C17orf67: variants seen among roughly 807,000 people sequenced by gnomAD.
The protein encoded by C17orf67 is uncharacterized protein C17orf67.
A neutral mutation model predicts 11.2 loss-of-function variants in C17orf67; 12 were observed. The observed-to-expected ratio is 1.07, with a 90% CI of 0.68 to 1.73. C17orf67 has a LOEUF of 1.73. Ranked by LOEUF, C17orf67 falls within the 40% of genes most tolerant of loss-of-function variation. The probability of loss-of-function intolerance (pLI) is 0.00; values close to 1 mark genes in which losing one functional copy is unlikely to be tolerated. For synonymous variants in C17orf67, 59 were observed against 46.9 expected, an observed-to-expected ratio of 1.26 and a Z score of -1.05; for missense variants, 115 against 113.5, an observed-to-expected ratio of 1.01 and a Z score of -0.06.
chr17:56,831,352 G>A (rs1416183118), intron 2 of C17orf67, among the ~76,000 whole-genome samples: 1 of 152,156 alleles, frequency 6.6e-6, no homozygotes, highest in Non-Finnish European at 1.5e-5. Context: ...GAGGGGTGGT[G>A]TCCTTTGCTG....
chr17:56,812,701 A>C (rs118152564), intron 6 of C17orf67, among the ~76,000 whole-genome samples: 1,793 of 152,200 alleles, frequency 0.012, 13 homozygotes, highest in South Asian at 0.02. Flanking sequence ...AGCCTATAAA[A>C]GATGAGCAAA....
intron 6 of C17orf67, chr17:56,804,142 G>T (rs960866107): frequency 2.6e-5 from 4 of 152,140 alleles, no homozygotes; most frequent in Non-Finnish European, 5.9e-5. Context: ...CATGTCAAAT[G>T]CCAACTATAA....
intron 6 of C17orf67, among the ~76,000 whole-genome samples, chr17:56,805,707 A>G (rs919154832): frequency 8.5e-5 from 13 of 152,210 alleles, no homozygotes; most frequent in African/African-American, 2.9e-4. Flanking sequence ...TTAAAATATT[A>G]AAAGTACTTT....
intron 2 of C17orf67, among the ~76,000 whole-genome samples, chr17:56,831,796 A>C (rs1906210816): frequency 6.6e-6 from 1 of 152,144 alleles, no homozygotes. Flanking sequence ...ACGACTGATG[A>C]AGATCCCCTC....
chr17:56,799,984 G>A lies in C17orf67; in HGVS notation c.157-4804C>T, dbSNP rs200774992. Reference sequence around the variant, plus strand: ...ATACATATTACTTTCTTAAAGTCATGAAAAAAAAAAAGAAAGTTATAAAGA... The same window carrying A: ...ATACATATTACTTTCTTAAAGTCATAAAAAAAAAAAAGAAAGTTATAAAGA... On this transcript the variant is annotated intron_variant, in intron 6 of 7. Coordinates refer to ENST00000397861, the MANE Select transcript of C17orf67 (RefSeq NM_001085430.4). 3.3e-4 allele frequency among the ~76,000 whole-genome samples: 46 copies of A among 140,350 alleles called. No individual in the cohort carries two copies. The Middle Eastern group carries it at 0.011, about 33-fold the overall frequency. 92.1% of individuals were successfully genotyped at this position (140,350 alleles called of 152,430 possible).
intron 6 of C17orf67, among the ~76,000 whole-genome samples, chr17:56,796,660 C>G (rs1203822417): frequency 6.6e-6 from 1 of 152,192 alleles, no homozygotes; most frequent in Non-Finnish European, 1.5e-5. Flanking sequence ...GACTGAGCAT[C>G]GGGACGTTGA....
chr17:56,829,677 C>A (rs1453641972), intron 2 of C17orf67, among the ~76,000 whole-genome samples: 1 of 152,236 alleles, frequency 6.6e-6, no homozygotes, highest in East Asian at 1.9e-4. Flanking sequence ...CCTTCTGACA[C>A]TGCAGCCAGC....
rs1213259304 is a variant in C17orf67 at position 56,794,954 on chromosome 17, G to C, written c.*20+90C>G. On this transcript the variant is annotated intron_variant, in intron 7 of 7. Transcript: ENST00000397861. ...AACCAGCTAACCAGCTGGCCCCCCTGAGGCATGGTCTGGAAAGTCTCCCAG... is the reference window on the plus strand; with the variant it reads ...AACCAGCTAACCAGCTGGCCCCCCTCAGGCATGGTCTGGAAAGTCTCCCAG... 3 of 868,240 alleles carry C rather than the reference G, an allele frequency of 3.5e-6. No homozygotes were observed. In the East Asian group the frequency reaches 7.7e-5, roughly 22 times the overall value. The allele number at this position is 868,240 out of a possible 1,614,324, so 53.8% of individuals were successfully genotyped here.
chr17:56,809,583 TCACA>T (rs748447664), intron 6 of C17orf67, among the ~76,000 whole-genome samples: 1 of 94,144 alleles, frequency 1.1e-5, no homozygotes, highest in Admixed American at 1.1e-4. Flanking sequence ...CACACACCCC[TCACA>T]CACACCCCTC....
intron 6 of C17orf67, among the ~76,000 whole-genome samples, chr17:56,809,720 T>G (rs1226132457): frequency 8.7e-6 from 1 of 115,322 alleles, no homozygotes; most frequent in Non-Finnish European, 1.8e-5. Flanking sequence ...TCCTCACACA[T>G]ACACCCTCAC....
intron 6 of C17orf67, among the ~76,000 whole-genome samples, chr17:56,802,361 G>C (rs1905343989): frequency 6.6e-6 from 1 of 152,144 alleles, no homozygotes; most frequent in South Asian, 2.1e-4. Flanking sequence ...AATCATTTCA[G>C]CTTGAATGTC....
chr17:56,795,710 GC>G (rs1425137356), intron 6 of C17orf67, among the ~76,000 whole-genome samples: 1 of 151,988 alleles, frequency 6.6e-6, no homozygotes, highest in East Asian at 1.9e-4. Flanking sequence ...AATGTTTATA[GC>G]AGCAATAAAT....
chr17:56,794,224 C>A (rs2144107844), intron 7 of C17orf67, among the ~76,000 whole-genome samples: 1 of 152,304 alleles, frequency 6.6e-6, no homozygotes, highest in Admixed American at 6.5e-5. Context: ...ATAGGAGCGT[C>A]CCTGTGTCAA....
intron 4 of C17orf67, among the ~76,000 whole-genome samples, chr17:56,821,770 A>T (rs1233243427): frequency 6.6e-6 from 1 of 152,212 alleles, no homozygotes; most frequent in East Asian, 1.9e-4. Context: ...CTACCACCCC[A>T]AATTTATGCT....
At chr17:56,811,312 C>T (rs574982469) in intron 6 of C17orf67, among the ~76,000 whole-genome samples, 5 of 152,288 alleles carry the variant, frequency 3.3e-5, no homozygotes, top group South Asian at 4.1e-4. Context: ...AACTAGTTAG[C>T]GGCAGAATAT....
rs981554799 is a variant in C17orf67 at position 56,833,227 on chromosome 17, C to T, written c.-886G>A. 1.3e-5 allele frequency: 2 copies of T among 153,706 alleles called. No individual in the cohort carries two copies. The highest frequency in any genetic ancestry group is 2.4e-5 in the African/African-American group (1 of 41,490). The allele number at this position is 153,706 out of a possible 1,614,324, so 9.5% of individuals were successfully genotyped here. A position where few individuals can be genotyped will look rare whatever the true frequency, so the allele number is the denominator to read the frequency against. On this transcript the variant is annotated 5_prime_UTR_variant, in exon 2 of 8. Transcript: ENST00000397861. ...GTGCTGAGCAGCGGTGCTTCCGCGT[C>T]CGCGTTCTCCGGGTAGCTGATGTGC...
rs751259254 is a variant in C17orf67 at position 56,795,227 on chromosome 17, C to A, written c.157-47G>T. ...AAGAAGGCTTCACCCACAGTGACAG[C>A]CAAGGGATCAATATGCGTGGTGTGG... On this transcript the variant is annotated intron_variant, in intron 6 of 7. Coordinates refer to ENST00000397861, the MANE Select transcript of C17orf67 (RefSeq NM_001085430.4). 1.5e-5 allele frequency: 24 copies of A among 1,555,638 alleles called. No individual in the cohort carries two copies. The East Asian group carries it at 5.2e-4, about 33-fold the overall frequency.
chr17:56,798,038 A>G (rs536911759), intron 6 of C17orf67, among the ~76,000 whole-genome samples: 1 of 149,860 alleles, frequency 6.7e-6, no homozygotes, highest in East Asian at 1.9e-4. Context: ...GGTACTGCCT[A>G]TCATACTGAA....
At chr17:56,795,004 C>T (rs1380041718) in intron 7 of C17orf67, 40 bp downstream of exon 7, 1 of 1,429,896 alleles carries the variant, frequency 7.0e-7, no homozygotes, top group Non-Finnish European at 9.8e-7. Flanking sequence ...TCCCCCACCA[C>T]TCCCTCAGAC....
Sources: gnomAD v4.1 joint callset for allele counts (sites outside exome capture counted in the v4.1 genomes callset) on GRCh38, gnomAD v4.1.1 for gene constraint, MANE v1.5 for transcripts, NCBI Gene and HGNC (gene_info 2026-07-23, HGNC 2026-07-21) for gene names.